Variants in DLGAP2 observed in about 807,000 individuals in gnomAD.
DLGAP2 encodes the protein disks large-associated protein 2.
A neutral mutation model predicts 100.3 loss-of-function variants in DLGAP2; 26 were observed. The ratio of observed to expected loss-of-function variants is 0.26; its 90% CI spans 0.19 to 0.36. DLGAP2 has a LOEUF of 0.36. Ranked by LOEUF, DLGAP2 falls within the 10% of genes least tolerant of loss-of-function variation. The pLI, the probability that DLGAP2 is intolerant of heterozygous loss-of-function variation, is 1.00. For synonymous variants in DLGAP2, 886 were observed against 630.1 expected, an observed-to-expected ratio of 1.41 and a Z score of -6.08; for missense variants, 1,858 against 1,453.2, an observed-to-expected ratio of 1.28 and a Z score of -4.53.
intron 2 of DLGAP2, chr8:1,019,841 C>T (rs750779373): frequency 3.3e-5 from 5 of 152,140 alleles, no homozygotes; most frequent in Admixed American, 3.3e-4. Context: ...GAGGCAGAGC[C>T]ACTGGTTTCT....
At position 1,008,479 on chromosome 8, in the gene DLGAP2, C is replaced by G. The variant is rs148618385; in HGVS notation, c.73+100513C>G. Among the ~76,000 whole-genome samples, 348 of 152,288 alleles carry G rather than the reference C, an allele frequency of 2.3e-3. 1 individual carries two copies. Among genetic ancestry groups the G allele is most frequent in the African/African-American group, 7.7e-3 (320 of 41,570 alleles). Reference sequence around the variant, plus strand: ...TTGTGTTCTTGGAAAGGAAACAAAGCTAACATTTGTATATAAAATCATATT... The same window carrying G: ...TTGTGTTCTTGGAAAGGAAACAAAGGTAACATTTGTATATAAAATCATATT... On this transcript the variant is annotated intron_variant, in intron 2 of 14. Coordinates refer to ENST00000637795, the MANE Select transcript of DLGAP2 (RefSeq NM_001346810.2).
intron 1 of DLGAP2, among the ~76,000 whole-genome samples, chr8:802,704 C>T (rs1246490343): frequency 1.3e-5 from 2 of 152,122 alleles, no homozygotes; most frequent in African/African-American, 2.4e-5. Context: ...ATTTTACTAG[C>T]AGAGACAGGT....
chr8:977,498 T>C (rs1343607566), intron 2 of DLGAP2, among the ~76,000 whole-genome samples: 2 of 152,368 alleles, frequency 1.3e-5, no homozygotes, highest in Non-Finnish European at 2.9e-5. Context: ...TCCAGTAAGG[T>C]ATATTCAAAG....
At chr8:866,638 C>G (rs1021811602) in intron 1 of DLGAP2, among the ~76,000 whole-genome samples, 1 of 152,198 alleles carries the variant, frequency 6.6e-6, no homozygotes, top group South Asian at 2.1e-4. Context: ...CATCGGGAAG[C>G]GCTTGCTGCC....
chr8:1,626,305 G>A (rs1797495731), intron 6 of DLGAP2, among the ~76,000 whole-genome samples: 1 of 120,872 alleles, frequency 8.3e-6, no homozygotes. Flanking sequence ...GCCCTGTGGT[G>A]GGTGCTCAGC....
At chr8:1,698,624 C>A (rs62483154) in intron 14 of DLGAP2, among the ~76,000 whole-genome samples, 3,863 of 83,070 alleles carry the variant, frequency 0.047, 202 homozygotes, top group African/African-American at 0.14. Flanking sequence ...CATGTAAGCC[C>A]TGCATGGGAC....
At chr8:1,556,966 T>C (rs1801986316) in intron 5 of DLGAP2, among the ~76,000 whole-genome samples, 1 of 151,308 alleles carries the variant, frequency 6.6e-6, no homozygotes, top group Non-Finnish European at 1.5e-5. Flanking sequence ...GAGATGCTTG[T>C]GGGGTCGGTC....
chr8:1,069,320 G>C (rs1585031300), intron 2 of DLGAP2, among the ~76,000 whole-genome samples: 1 of 152,154 alleles, frequency 6.6e-6, no homozygotes, highest in Admixed American at 6.5e-5. Flanking sequence ...AGGAGGCCGG[G>C]TCGGACAGAC....
Position 1,421,762 on chromosome 8 carries a change from G to A in DLGAP2, c.107-79604G>A, listed in dbSNP as rs532839874. ...GGGTGGATCACGAGGTCAGCAGTTC[G>A]AGACCAGCCTGGCCAACATGGTGAA... On this transcript the variant is annotated intron_variant, in intron 3 of 14. Transcript: ENST00000637795. Among the ~76,000 whole-genome samples, 148 of 152,148 alleles carry A rather than the reference G, an allele frequency of 9.7e-4. 1 individual carries two copies. Among genetic ancestry groups the A allele is most frequent in the African/African-American group, 3.3e-3 (139 of 41,498 alleles).
chr8:1,438,195 C>T lies in DLGAP2; in HGVS notation c.107-63171C>T, dbSNP rs151276144. On this transcript the variant is annotated intron_variant, in intron 3 of 14. Transcript: ENST00000637795. ...ACGAGGGGCAACCAGCGCTAGCCAC[C>T]TGGTTCTTTTAAAATGCATTTTAAA... is the stretch of plus-strand genomic sequence containing the variant. Among the ~76,000 whole-genome samples, 184 of 152,198 alleles carry T rather than the reference C, an allele frequency of 1.2e-3. 1 individual carries two copies. Among genetic ancestry groups the T allele is most frequent in the African/African-American group, 4.2e-3 (173 of 41,510 alleles).
chr8:1,305,475 T>C (rs886685725), intron 3 of DLGAP2, among the ~76,000 whole-genome samples: 1 of 152,212 alleles, frequency 6.6e-6, no homozygotes, highest in African/African-American at 2.4e-5. Flanking sequence ...GTCTGTAAGG[T>C]CTTTATTCAT....
At chr8:1,072,134 A>G (rs1245325834) in intron 2 of DLGAP2, among the ~76,000 whole-genome samples, 2 of 152,310 alleles carry the variant, frequency 1.3e-5, no homozygotes, top group East Asian at 3.9e-4. Context: ...CAAGGCACAC[A>G]GTGGAGGGGG....
intron 2 of DLGAP2, among the ~76,000 whole-genome samples, chr8:972,832 T>C (rs1386916513): frequency 3.3e-5 from 5 of 152,202 alleles, no homozygotes; most frequent in Non-Finnish European, 7.3e-5. Flanking sequence ...TTAACGAGCA[T>C]GCTGCCTTCA....
At chr8:1,614,324 C>G (rs1050476917) in intron 6 of DLGAP2, among the ~76,000 whole-genome samples, 1 of 152,208 alleles carries the variant, frequency 6.6e-6, no homozygotes, top group East Asian at 1.9e-4. Flanking sequence ...GTGAATCTCA[C>G]CTCAGAACTG....
chr8:1,555,449 A>G (rs993103447), intron 5 of DLGAP2, among the ~76,000 whole-genome samples: 1 of 151,998 alleles, frequency 6.6e-6, no homozygotes, highest in African/African-American at 2.4e-5. Context: ...CTCCTCCACA[A>G]CTGCCCTGCC....
intron 3 of DLGAP2, among the ~76,000 whole-genome samples, chr8:1,500,745 G>A (rs1362523450): frequency 6.6e-6 from 1 of 152,252 alleles, no homozygotes; most frequent in Non-Finnish European, 1.5e-5. Context: ...AGAAAGTGAT[G>A]TCTGCTTTTG....
intron 3 of DLGAP2, among the ~76,000 whole-genome samples, chr8:1,327,335 C>T (rs532012429): frequency 2.0e-5 from 3 of 152,328 alleles, no homozygotes; most frequent in South Asian, 2.1e-4. Flanking sequence ...ACGGGGACTG[C>T]AGTGGGTTTC....
At chr8:957,118 A>G (rs1252257001) in intron 2 of DLGAP2, among the ~76,000 whole-genome samples, 2 of 152,208 alleles carry the variant, frequency 1.3e-5, no homozygotes, top group African/African-American at 2.4e-5. Context: ...TTAAAGAATC[A>G]GAGTCAGTTG....
intron 8 of DLGAP2, among the ~76,000 whole-genome samples, chr8:1,641,627 G>A (rs1236011485): frequency 6.6e-6 from 1 of 152,108 alleles, no homozygotes; most frequent in Non-Finnish European, 1.5e-5. Flanking sequence ...GGGTACATTT[G>A]GAGGGACATG....
Sources: gnomAD v4.1 joint callset for allele counts (sites outside exome capture counted in the v4.1 genomes callset) on GRCh38, gnomAD v4.1.1 for gene constraint, MANE v1.5 for transcripts, NCBI Gene and HGNC (gene_info 2026-07-23, HGNC 2026-07-21) for gene names.